Variants in DDX19B observed in about 807,000 individuals in gnomAD.
DDX19B encodes the protein ATP-dependent RNA helicase DDX19B.
Under a neutral mutation model 58.1 loss-of-function variants are expected in DDX19B, and 27 were observed. The ratio of observed to expected loss-of-function variants is 0.46; its 90% CI spans 0.34 to 0.64. The LOEUF is 0.64. Among genes scored for constraint, DDX19B ranks in the 30% least tolerant of loss-of-function variants. DDX19B has a pLI of 0.01. For synonymous variants in DDX19B, 187 were observed against 214.4 expected (o/e 0.87, Z 1.12); for missense variants, 399 against 596.5 (o/e 0.67, Z 3.45).
upstream of DDX19B, among the ~76,000 whole-genome samples, chr16:70,292,176 T>A (rs1451402653): frequency 1.3e-5 from 2 of 152,088 alleles, no homozygotes; most frequent in Non-Finnish European, 2.9e-5. Context: ...TTCCTTTTTT[T>A]GAGGCAGAGT....
In DDX19B at chr16:70,299,212, A is replaced by G; in HGVS notation, c.-86A>G. 1 of 1,445,734 alleles carries G rather than the reference A, an allele frequency of 6.9e-7. No individual in the cohort carries two copies. 89.6% of individuals were successfully genotyped at this position (1,445,734 alleles called of 1,614,324 possible). A position where few individuals can be genotyped will look rare whatever the true frequency, so the allele number is the denominator to read the frequency against. On this transcript the variant is annotated 5_prime_UTR_variant, in exon 1 of 12. Transcript: ENST00000288071. ...CAGCCTTGTAGTGGGGCTGGAGCAG[A>G]GCCTGCCGCGAACCCCCGGAGCCCA...
chr16:70,307,652 C>T (rs1332570039), intron 1 of DDX19B, among the ~76,000 whole-genome samples: 1 of 151,796 alleles, frequency 6.6e-6, no homozygotes, highest in Non-Finnish European at 1.5e-5. Flanking sequence ...CGTGAGCCAT[C>T]ACATCTGGCC....
At chr16:70,332,471 T>G (rs1044029633) in intron 10 of DDX19B, among the ~76,000 whole-genome samples, 1 of 152,116 alleles carries the variant, frequency 6.6e-6, no homozygotes, top group African/African-American at 2.4e-5. Context: ...CAGCTAATTT[T>G]TGTATTTTCA....
intron 5 of DDX19B, among the ~76,000 whole-genome samples, chr16:70,324,158 T>C (rs1963007694): frequency 6.6e-6 from 1 of 151,890 alleles, no homozygotes; most frequent in South Asian, 2.1e-4. Context: ...CGAGGAATTA[T>C]TGGAAGGTCT....
chr16:70,310,596 AGAT>A (rs1254784721), intron 1 of DDX19B, among the ~76,000 whole-genome samples: 1 of 152,094 alleles, frequency 6.6e-6, no homozygotes, highest in East Asian at 1.9e-4. Context: ...TCTTTTTACT[AGAT>A]GATGTCTTAG....
chr16:70,312,723 C>A (rs1962156998), intron 2 of DDX19B, 66 bp downstream of exon 2: 1 of 1,429,304 alleles, frequency 7.0e-7, no homozygotes, highest in Non-Finnish European at 9.7e-7. Context: ...TTTGGCATAA[C>A]AACTGTCTGG....
chr16:70,295,659 A>G (rs1961190949), upstream of DDX19B, among the ~76,000 whole-genome samples: 1 of 152,110 alleles, frequency 6.6e-6, no homozygotes, highest in Non-Finnish European at 1.5e-5. Context: ...GTGGGAATCT[A>G]AGTATTTGTT....
Position 70,331,722 on chromosome 16 carries a change from A to G in DDX19B, c.1024A>G (p.Thr342Ala). The change falls in exon 10 of 12, where the codon ACT (threonine) becomes GCT (alanine). Residue 342 changes from threonine to alanine, a missense_variant and splice_region_variant. Physicochemically the swap from Thr to Ala is moderately conservative, Grantham distance 58. This residue lies in a region of DDX19B where 198 missense variants were observed against 345.9 expected (regional missense o/e 0.57). Transcript: ENST00000288071. ...TIAQAMIFCH[T>A]RKTASWLAAE... ...TAAAAAACAATTCTTTTCACTACAG[A>G]CTCGCAAAACAGCTAGTTGGCTGGC... is the stretch of plus-strand genomic sequence containing the variant. The G allele has an allele frequency of 2.5e-6, 4 of 1,613,400 alleles. No homozygotes were observed. The highest frequency in any genetic ancestry group is 3.4e-6 in the Non-Finnish European group (4 of 1,179,838).
intron 9 of DDX19B, among the ~76,000 whole-genome samples, chr16:70,330,488 T>C (rs973191099): frequency 1.6e-4 from 25 of 152,110 alleles, no homozygotes; most frequent in Non-Finnish European, 3.4e-4. Flanking sequence ...CTCAGGAGGC[T>C]GAAGCAGGAG....
At chr16:70,307,361 T>G (rs2152189460) in intron 1 of DDX19B, among the ~76,000 whole-genome samples, 1 of 152,314 alleles carries the variant, frequency 6.6e-6, no homozygotes, top group Non-Finnish European at 1.5e-5. Context: ...ATATGTCTTT[T>G]TTTATTTTTT....
At chr16:70,324,386 A>AG (rs1963029286) in intron 5 of DDX19B, among the ~76,000 whole-genome samples, 199 bp from the exon 6 acceptor site, 1 of 135,958 alleles carries the variant, frequency 7.4e-6, no homozygotes, top group South Asian at 2.1e-4. Context: ...AAAAAAAAAA[A>AG]AAGAAGAAGA....
In DDX19B at chr16:70,317,503, C is replaced by A; in HGVS notation, c.304C>A (p.Gln102Lys). ...KSFEELRLKPQLLQGVYAMGF... is the reference protein window; with the variant it reads ...KSFEELRLKPKLLQGVYAMGF... ...CTTTAACTGTTTTTCTAGGAAACCACAGCTTCTCCAAGGAGTCTATGCCAT... is the reference window on the plus strand; with the variant it reads ...CTTTAACTGTTTTTCTAGGAAACCAAAGCTTCTCCAAGGAGTCTATGCCAT... Residue 102 changes from glutamine to lysine, a missense_variant, in exon 5 of 12, where the codon CAG becomes AAG. Physicochemically the swap from Gln to Lys is moderately conservative, Grantham distance 53 (BLOSUM62 1). Around this residue, in one of 4 missense-constraint regions of DDX19B, gnomAD observed 132 missense variants for 159.4 expected, o/e 0.83. Transcript: ENST00000288071. The A allele has an allele frequency of 6.2e-7, 1 of 1,611,760 alleles. No homozygotes were observed. Among genetic ancestry groups the A allele is most frequent in the East Asian group, 2.2e-5 (1 of 44,854 alleles).
intron 1 of DDX19B, among the ~76,000 whole-genome samples, chr16:70,306,773 T>C (rs1215595493): frequency 3.9e-5 from 6 of 152,228 alleles, no homozygotes; most frequent in Admixed American, 2.6e-4. Flanking sequence ...AGTTCACTGA[T>C]GGTTGGTGTA....
intron 2 of DDX19B, among the ~76,000 whole-genome samples, chr16:70,312,940 C>A (rs1962167436): frequency 6.6e-6 from 1 of 151,738 alleles, no homozygotes; most frequent in Non-Finnish European, 1.5e-5. Context: ...ACCTCCCAGA[C>A]TCAAGTGATC....
chr16:70,327,081 G>A (rs1327166930), intron 7 of DDX19B, among the ~76,000 whole-genome samples: 4 of 151,376 alleles, frequency 2.6e-5, no homozygotes, highest in Admixed American at 6.6e-5. Flanking sequence ...TGATCCTCCC[G>A]CCTTGGCCTC....
intron 5 of DDX19B, among the ~76,000 whole-genome samples, chr16:70,323,010 C>CTGTT (rs201299312): frequency 2.7e-5 from 4 of 149,672 alleles, no homozygotes; most frequent in Admixed American, 1.3e-4. Flanking sequence ...CATGTTTCTT[C>CTGTT]TGTTTGTTTG....
Position 70,329,338 on chromosome 16 carries a change from T to C in DDX19B, c.654T>C (p.Pro218=). Residue 218 remains proline (P), a synonymous_variant, in exon 8 of 12, where the codon CCT becomes CCC. Coordinates refer to ENST00000288071, the MANE Select transcript of DDX19B (RefSeq NM_007242.7). ...KISEQIVIGT[P]GTVLDWCSKL... ...GTGAGCAGATTGTCATTGGCACCCC[T>C]GGGACTGTGCTGGACTGGTGCTCCA... is the stretch of plus-strand genomic sequence containing the variant. The C allele has an allele frequency of 6.2e-6, 10 of 1,614,006 alleles. No homozygotes were observed. Among genetic ancestry groups the C allele is most frequent in the Non-Finnish European group, 6.8e-6 (8 of 1,179,988 alleles).
At chr16:70,328,658 C>T (rs1963306704) in intron 7 of DDX19B, among the ~76,000 whole-genome samples, 1 of 151,734 alleles carries the variant, frequency 6.6e-6, no homozygotes, top group African/African-American at 2.4e-5. Flanking sequence ...CCACCGTGCC[C>T]GGCCCTTTTA....
intron 1 of DDX19B, among the ~76,000 whole-genome samples, chr16:70,307,814 C>T (rs1961846204): frequency 6.6e-6 from 1 of 151,766 alleles, no homozygotes; most frequent in East Asian, 1.9e-4. Context: ...ACCTGGAACT[C>T]CTGGGCTCAA....
Sources: allele counts gnomAD v4.1 joint callset (sites outside exome capture counted in the v4.1 genomes callset), GRCh38; gene constraint gnomAD v4.1.1; regional missense constraint gnomAD v4.1.1; transcripts MANE v1.5; gene names NCBI Gene and HGNC (gene_info 2026-07-23, HGNC 2026-07-21).